Variants in NPAS3 observed in about 807,000 individuals in gnomAD.
The protein encoded by NPAS3 is neuronal PAS domain-containing protein 3.
In NPAS3, 14 loss-of-function variants were observed where a neutral mutation model predicts 73.1. That is an observed-to-expected ratio of 0.19 (90% CI 0.13 to 0.30). The LOEUF (loss-of-function observed/expected upper bound fraction) is 0.30. Among genes scored for constraint, NPAS3 ranks in the 10% least tolerant of loss-of-function variants. The probability of loss-of-function intolerance (pLI) is 1.00; values close to 1 mark genes in which losing one functional copy is unlikely to be tolerated. For synonymous variants in NPAS3, 620 were observed against 541.5 expected (o/e 1.14, Z -2.01); for missense variants, 1,096 against 1,250.0 (o/e 0.88, Z 1.86).
intron 4 of NPAS3, among the ~76,000 whole-genome samples, chr14:33,496,500 C>G (rs2139863796): frequency 6.6e-6 from 1 of 152,236 alleles, no homozygotes; most frequent in African/African-American, 2.4e-5. Flanking sequence ...AGCTTATCCA[C>G]CACAATCAAG....
intron 2 of NPAS3, among the ~76,000 whole-genome samples, chr14:33,056,312 G>A (rs148815320): frequency 3.3e-4 from 50 of 152,008 alleles, no homozygotes; most frequent in African/African-American, 9.9e-4. Flanking sequence ...AGAAAATCTC[G>A]GCAAAATACA....
At chr14:33,191,762 C>T (rs2046178675) in intron 2 of NPAS3, among the ~76,000 whole-genome samples, 1 of 152,226 alleles carries the variant, frequency 6.6e-6, no homozygotes, top group African/African-American at 2.4e-5. Context: ...CCAGTGTTCT[C>T]AATTTTGTAG....
At chr14:33,587,708 T>C (rs1354034334) in intron 5 of NPAS3, among the ~76,000 whole-genome samples, 1 of 152,248 alleles carries the variant, frequency 6.6e-6, no homozygotes, top group Non-Finnish European at 1.5e-5. Context: ...TACTATAGTG[T>C]ATCTTCTCTC....
chr14:33,535,052 A>G (rs556821018), intron 4 of NPAS3, among the ~76,000 whole-genome samples: 59 of 152,336 alleles, frequency 3.9e-4, no homozygotes, highest in South Asian at 1.5e-3. Flanking sequence ...GAAAAGAACT[A>G]AAAGTCAAAG....
chr14:33,256,266 C>T (rs1359687453), intron 3 of NPAS3, among the ~76,000 whole-genome samples: 5 of 152,086 alleles, frequency 3.3e-5, no homozygotes, highest in Admixed American at 3.3e-4. Context: ...AAAACCTTAT[C>T]CATTTTGACT....
chr14:33,202,573 A>G (rs1006811905), intron 2 of NPAS3, among the ~76,000 whole-genome samples: 6 of 152,208 alleles, frequency 3.9e-5, no homozygotes, highest in Non-Finnish European at 8.8e-5. Context: ...TTAAATGAAG[A>G]ATAATAAAGT....
At chr14:32,968,692 C>T (rs1392824869) in intron 1 of NPAS3, among the ~76,000 whole-genome samples, 1 of 151,968 alleles carries the variant, frequency 6.6e-6, no homozygotes, top group Admixed American at 6.6e-5. Flanking sequence ...TCTTGGAGTG[C>T]TTGCCTGGGT....
At chr14:33,384,125 A>G (rs2046673715) in intron 4 of NPAS3, among the ~76,000 whole-genome samples, 1 of 151,832 alleles carries the variant, frequency 6.6e-6, no homozygotes. Context: ...AACACCAATT[A>G]GAAATGATGT....
chr14:33,519,659 G>A (rs2053470652), intron 4 of NPAS3, among the ~76,000 whole-genome samples: 1 of 152,148 alleles, frequency 6.6e-6, no homozygotes, highest in Non-Finnish European at 1.5e-5. Context: ...CAGATTAAGT[G>A]AGATGTAAGG....
At chr14:33,737,236 G>A (rs894077266) in intron 7 of NPAS3, among the ~76,000 whole-genome samples, 2 of 152,136 alleles carry the variant, frequency 1.3e-5, no homozygotes, top group African/African-American at 4.8e-5. Context: ...ATTATAAAAG[G>A]TCACGCTGAG....
rs570746849 is a variant in NPAS3, at chr14:32,959,344, G to GGT, written c.50+19988_50+19989dup. 6.5e-4 allele frequency among the ~76,000 whole-genome samples: 99 copies of GGT among 152,128 alleles called. 1 individual carries two copies. In the East Asian group the frequency reaches 0.019, roughly 29 times the overall value. On this transcript the variant is annotated intron_variant, in intron 1 of 11. Transcript: ENST00000356141. Reference sequence around the variant, plus strand: ...GCCTGGTATTTAATACAGTTGTGAGGGTGTGTGTGTGCACATGTATGCATC... The same window carrying GGT: ...GCCTGGTATTTAATACAGTTGTGAGGGTGTGTGTGTGTGCACATGTATGCATC...
chr14:33,138,282 A>G (rs1261299195), intron 2 of NPAS3, among the ~76,000 whole-genome samples: 1 of 147,118 alleles, frequency 6.8e-6, no homozygotes, highest in African/African-American at 2.5e-5. Flanking sequence ...GGAGTTTGTA[A>G]TATCTTCAGG....
At chr14:33,287,628 A>T (rs1251177632) in intron 3 of NPAS3, among the ~76,000 whole-genome samples, 1 of 152,130 alleles carries the variant, frequency 6.6e-6, no homozygotes, top group East Asian at 1.9e-4. Flanking sequence ...CCTACTACTT[A>T]GTGCAAGTCC....
At position 33,465,957 on chromosome 14, in the gene NPAS3, A is replaced by G. The variant is rs145076409; in HGVS notation, c.469-94164A>G. Among the ~76,000 whole-genome samples the G allele has an allele frequency of 4.2e-4, 64 of 152,294 alleles. 1 individual carries two copies. Among genetic ancestry groups the G allele is most frequent in the African/African-American group, 1.5e-3 (63 of 41,558 alleles). On this transcript the variant is annotated intron_variant, in intron 4 of 11. Transcript: ENST00000356141. ...CAATAAGCAAATTAACAGTTTTGAG[A>G]AAGGAGCCTGGGTAGTTGAGCATCG...
At chr14:33,214,248 T>C (rs2047138924) in intron 2 of NPAS3, 1 of 152,218 alleles carries the variant, frequency 6.6e-6, no homozygotes, top group Admixed American at 6.5e-5. Context: ...GGTAGAATTC[T>C]CCTGTCAGAT....
chr14:33,281,356 C>T (rs995562222), intron 3 of NPAS3, among the ~76,000 whole-genome samples: 4 of 152,054 alleles, frequency 2.6e-5, no homozygotes, highest in African/African-American at 7.2e-5. Flanking sequence ...TCAGGCTGGG[C>T]ATGGTGGCTC....
chr14:33,197,857 T>C (rs1480622880), intron 2 of NPAS3, among the ~76,000 whole-genome samples: 1 of 152,250 alleles, frequency 6.6e-6, no homozygotes, highest in Non-Finnish European at 1.5e-5. Flanking sequence ...TTGGTCTCAC[T>C]GACTTCAAGA....
chr14:33,469,925 A>G (rs755367343), intron 4 of NPAS3, among the ~76,000 whole-genome samples: 2 of 152,152 alleles, frequency 1.3e-5, no homozygotes, highest in African/African-American at 2.4e-5. Flanking sequence ...TGGCCTGGGT[A>G]GGTTTTCTCA....
chr14:33,490,565 G>T (rs1169811938), intron 4 of NPAS3, among the ~76,000 whole-genome samples: 1 of 152,074 alleles, frequency 6.6e-6, no homozygotes, highest in Non-Finnish European at 1.5e-5. Context: ...TTGGAGAAGG[G>T]TGACAGCTTA....
Sources: allele counts gnomAD v4.1 joint callset (sites outside exome capture counted in the v4.1 genomes callset), GRCh38; gene constraint gnomAD v4.1.1; transcripts MANE v1.5; gene names NCBI Gene and HGNC (gene_info 2026-07-23, HGNC 2026-07-21).